The following TNFSF4 variants were observed in gnomAD, a reference collection of about 807,000 sequenced individuals.
The protein encoded by TNFSF4 is TNF superfamily member 4.
A neutral mutation model predicts 7.3 loss-of-function variants in TNFSF4; 4 were observed. The ratio of observed to expected loss-of-function variants is 0.55; its 90% CI spans 0.27 to 1.25. The LOEUF (loss-of-function observed/expected upper bound fraction) is 1.25. TNFSF4 is among the 50% of genes most tolerant of loss of function. The pLI, the probability that TNFSF4 is intolerant of heterozygous loss-of-function variation, is 0.12. For missense variants in TNFSF4, 181 were observed against 208.8 expected, an observed-to-expected ratio of 0.87 and a Z score of 0.82; for synonymous variants, 76 against 83.7, an observed-to-expected ratio of 0.91 and a Z score of 0.50.
the TNFSF4 span, among the ~76,000 whole-genome samples, chr1:173,371,050 C>T: frequency 6.6e-6 from 1 of 152,242 alleles, no homozygotes; most frequent in Non-Finnish European, 1.5e-5. Context: ...GATCCAACAA[C>T]AGGACTGAGG....
the TNFSF4 span, among the ~76,000 whole-genome samples, chr1:173,356,047 A>G: frequency 6.6e-6 from 1 of 152,268 alleles, no homozygotes; most frequent in Non-Finnish European, 1.5e-5. Context: ...CTCATCATCT[A>G]CAGGGTTGCC....
the TNFSF4 span, among the ~76,000 whole-genome samples, chr1:173,412,159 T>C: frequency 6.6e-6 from 1 of 150,752 alleles, no homozygotes; most frequent in African/African-American, 2.4e-5. Context: ...GAATCTCTTC[T>C]GAGGTCAACT....
chr1:173,314,862 A>G, the TNFSF4 span, among the ~76,000 whole-genome samples: 1 of 152,140 alleles, frequency 6.6e-6, no homozygotes, highest in Non-Finnish European at 1.5e-5. Context: ...AGTCAAAGCC[A>G]CACTCTCCCA....
the TNFSF4 span, among the ~76,000 whole-genome samples, chr1:173,173,766 T>A: frequency 1.4e-4 from 22 of 152,236 alleles, no homozygotes; most frequent in Non-Finnish European, 2.9e-4. Flanking sequence ...CAGGGCACCA[T>A]GTCCCGAGGT....
chr1:173,347,764 AG>A, the TNFSF4 span, among the ~76,000 whole-genome samples: 1 of 152,242 alleles, frequency 6.6e-6, no homozygotes, highest in Non-Finnish European at 1.5e-5. Context: ...CTAGCCCACA[AG>A]GCTTCTCAGC....
chr1:173,445,151 C>A, the TNFSF4 span, among the ~76,000 whole-genome samples: 1 of 152,172 alleles, frequency 6.6e-6, no homozygotes, highest in Non-Finnish European at 1.5e-5. Flanking sequence ...AAGCCTACCT[C>A]TTCTGCTGAT....
the TNFSF4 span, among the ~76,000 whole-genome samples, chr1:173,421,950 G>A: frequency 6.6e-6 from 1 of 152,148 alleles, no homozygotes; most frequent in East Asian, 1.9e-4. Context: ...CAGTATTTGA[G>A]TGATGACAGA....
In TNFSF4 at chr1:173,188,586, G is replaced by GACAT. The variant is rs1297071253; in HGVS notation, c.154-21_154-18dup. The GACAT allele has an allele frequency of 6.2e-7, 1 of 1,604,078 alleles. No homozygotes were observed. Among genetic ancestry groups the GACAT allele is most frequent in the Non-Finnish European group, 8.5e-7 (1 of 1,172,618 alleles). ...ATGTGATACCTGAGGGAGGAAGAAAGACATATTCTTAGGAAAAAAACATGA... is the reference window on the plus strand; with the variant it reads ...ATGTGATACCTGAGGGAGGAAGAAAGACATACATATTCTTAGGAAAAAAACATGA... On this transcript the variant is annotated splice_polypyrimidine_tract_variant and intron_variant, in intron 1 of 2. Transcript: ENST00000281834.
At chr1:173,433,601 C>T in the TNFSF4 span, among the ~76,000 whole-genome samples, 1 of 151,782 alleles carries the variant, frequency 6.6e-6, no homozygotes, top group Non-Finnish European at 1.5e-5. Context: ...ACTAGGGAGG[C>T]AGAGGTGGGA....
At chr1:173,397,346 G>A in the TNFSF4 span, among the ~76,000 whole-genome samples, 7 of 152,082 alleles carry the variant, frequency 4.6e-5, no homozygotes, top group Admixed American at 1.3e-4. Context: ...ACACCTCCCC[G>A]CCTTATCCAA....
At chr1:173,426,671 G>A in the TNFSF4 span, among the ~76,000 whole-genome samples, 12 of 151,976 alleles carry the variant, frequency 7.9e-5, 1 homozygote, top group East Asian at 5.8e-4. Flanking sequence ...CACAGCTCAC[G>A]GCAGCCTCAA....
At chr1:173,218,125 G>A in the TNFSF4 span, among the ~76,000 whole-genome samples, 3,807 of 152,236 alleles carry the variant, frequency 0.025, 141 homozygotes, top group African/African-American at 0.086. Context: ...ATGGTAGGAT[G>A]ATGCCGTCAC....
chr1:173,320,935 A>C, the TNFSF4 span, among the ~76,000 whole-genome samples: 1 of 152,174 alleles, frequency 6.6e-6, no homozygotes, highest in Non-Finnish European at 1.5e-5. Context: ...GCTATTCCCA[A>C]TAAGCTACCA....
chr1:173,374,594 T>C, the TNFSF4 span, among the ~76,000 whole-genome samples: 2 of 152,132 alleles, frequency 1.3e-5, no homozygotes, highest in East Asian at 1.9e-4. Flanking sequence ...CTGAAAAGAC[T>C]CCTACAGCTG....
chr1:173,207,684 A>C (rs1650250056), upstream of TNFSF4, among the ~76,000 whole-genome samples: 1 of 152,178 alleles, frequency 6.6e-6, no homozygotes, highest in African/African-American at 2.4e-5. Context: ...TCTTATCTGC[A>C]CTTTACTATG....
At chr1:173,213,439 A>T in the TNFSF4 span, among the ~76,000 whole-genome samples, 1 of 152,226 alleles carries the variant, frequency 6.6e-6, no homozygotes, top group Non-Finnish European at 1.5e-5. Flanking sequence ...ATAGAAAGCA[A>T]ATATCTAGAC....
chr1:173,247,408 T>C, the TNFSF4 span, among the ~76,000 whole-genome samples: 1 of 152,284 alleles, frequency 6.6e-6, no homozygotes, highest in East Asian at 1.9e-4. Context: ...AGCTGAGTTT[T>C]AGTGAGTTTT....
At chr1:173,265,654 A>G in the TNFSF4 span, among the ~76,000 whole-genome samples, 49 of 152,232 alleles carry the variant, frequency 3.2e-4, no homozygotes, top group Non-Finnish European at 6.6e-4. Flanking sequence ...GATTTCACCC[A>G]CACACTCTGT....
At chr1:173,449,645 A>T in the TNFSF4 span, among the ~76,000 whole-genome samples, 69 of 152,098 alleles carry the variant, frequency 4.5e-4, no homozygotes, top group Non-Finnish European at 6.2e-4. Flanking sequence ...GGCCTCAGGC[A>T]TTTCTTTATA....
Sources: allele counts gnomAD v4.1 joint callset (sites outside exome capture counted in the v4.1 genomes callset), GRCh38; gene constraint gnomAD v4.1.1; transcripts MANE v1.5; gene names NCBI Gene and HGNC (gene_info 2026-07-23, HGNC 2026-07-21).